The following LAPTM4B variants were observed in gnomAD, a reference collection of about 807,000 sequenced individuals.
LAPTM4B encodes the protein lysosomal-associated transmembrane protein 4B.
LAPTM4B carries 26 observed loss-of-function variants against 28.5 expected under a neutral mutation model. The ratio of observed to expected loss-of-function variants is 0.91; its 90% CI spans 0.67 to 1.27. The LOEUF (loss-of-function observed/expected upper bound fraction) is 1.27, where lower values mean the gene tolerates loss of function less well. Among genes scored for constraint, LAPTM4B ranks in the 50% most tolerant of loss-of-function variants. The pLI is 0.00. For missense variants in LAPTM4B, 288 were observed against 285.8 expected, an observed-to-expected ratio of 1.01 and a Z score of -0.06; for synonymous variants, 109 against 106.4, an observed-to-expected ratio of 1.02 and a Z score of -0.15.
At chr8:97,822,352 G>T (rs531048977) in intron 5 of LAPTM4B, among the ~76,000 whole-genome samples, 1 of 151,858 alleles carries the variant, frequency 6.6e-6, no homozygotes, top group African/African-American at 2.4e-5. Flanking sequence ...CTGCAGGAAG[G>T]TTAGTCTGAC....
At chr8:97,790,974 G>A (rs879372392) in intron 1 of LAPTM4B, among the ~76,000 whole-genome samples, 2 of 152,080 alleles carry the variant, frequency 1.3e-5, no homozygotes, top group South Asian at 2.1e-4. Context: ...GTGCAATCAC[G>A]CCTCATTGCA....
In LAPTM4B at chr8:97,851,985, C is replaced by A; in HGVS notation, c.*511C>A. On this transcript the variant is annotated 3_prime_UTR_variant, in exon 7 of 7. Coordinates refer to ENST00000521545, the MANE Select transcript of LAPTM4B (RefSeq NM_018407.6). ...GTTACAAGAATTTCCCCCACAACAT[C>A]CTTTATGACTGAAGTTCAATGACAG... The A allele has an allele frequency of 6.5e-6, 1 of 154,256 alleles. No homozygotes were observed. The highest frequency in any genetic ancestry group is 1.4e-5 in the Non-Finnish European group (1 of 69,476). 9.6% of individuals were successfully genotyped at this position (154,256 alleles called of 1,614,324 possible).
chr8:97,782,161 G>T (rs940332598), intron 1 of LAPTM4B, among the ~76,000 whole-genome samples: 1 of 150,004 alleles, frequency 6.7e-6, no homozygotes, highest in Admixed American at 6.7e-5. Flanking sequence ...TGTATTTTTA[G>T]TAGATAACAG....
chr8:97,821,660 C>T (rs1023882207), intron 5 of LAPTM4B, among the ~76,000 whole-genome samples: 2 of 152,084 alleles, frequency 1.3e-5, no homozygotes, highest in Admixed American at 1.3e-4. Context: ...TCTTCTAATT[C>T]GAGATGCAAT....
chr8:97,826,863 TTTTTTC>T (rs1157200240), intron 6 of LAPTM4B, among the ~76,000 whole-genome samples: 2 of 152,200 alleles, frequency 1.3e-5, no homozygotes, highest in Non-Finnish European at 1.5e-5. Context: ...CATCTATAAA[TTTTTTC>T]TTTTTCTTAA....
chr8:97,820,363 G>T (rs1408512254), intron 5 of LAPTM4B, among the ~76,000 whole-genome samples: 4 of 135,216 alleles, frequency 3.0e-5, no homozygotes, highest in African/African-American at 1.1e-4. Context: ...CTCCTGCCTT[G>T]GTTTCCCAAA....
At chr8:97,782,726 G>A (rs1816341114) in intron 1 of LAPTM4B, among the ~76,000 whole-genome samples, 1 of 148,040 alleles carries the variant, frequency 6.8e-6, no homozygotes, top group African/African-American at 2.5e-5. Flanking sequence ...GTGAGCCACC[G>A]TCCCCAGCCT....
intron 6 of LAPTM4B, among the ~76,000 whole-genome samples, chr8:97,846,476 C>T (rs559780713): frequency 2.0e-5 from 3 of 151,990 alleles, no homozygotes; most frequent in African/African-American, 4.8e-5. Flanking sequence ...TACAGGCATG[C>T]GCCACCACGC....
chr8:97,788,742 T>C (rs1434997412), intron 1 of LAPTM4B, among the ~76,000 whole-genome samples: 4 of 152,020 alleles, frequency 2.6e-5, no homozygotes, highest in Non-Finnish European at 5.9e-5. Context: ...TTGCCCAGGT[T>C]GGAGTGCAGT....
chr8:97,842,580 G>A (rs566112013), intron 6 of LAPTM4B, among the ~76,000 whole-genome samples: 148 of 152,192 alleles, frequency 9.7e-4, no homozygotes, highest in Admixed American at 1.7e-3. Context: ...GTGCACTGGC[G>A]CGATCTCAGC....
At chr8:97,780,263 TAAAAATATA>T (rs1393784170) in intron 1 of LAPTM4B, among the ~76,000 whole-genome samples, 1 of 151,686 alleles carries the variant, frequency 6.6e-6, no homozygotes, top group Non-Finnish European at 1.5e-5. Context: ...CTGTTTCTAT[TAAAAATATA>T]AAAAATTAGT....
At chr8:97,778,535 C>T (rs1235879306) in intron 1 of LAPTM4B, among the ~76,000 whole-genome samples, 3 of 152,066 alleles carry the variant, frequency 2.0e-5, no homozygotes, top group Non-Finnish European at 4.4e-5. Context: ...TGATAAGATA[C>T]TGTGGCAAGC....
rs1816199856 is a variant in LAPTM4B at position 97,775,943 on chromosome 8, G to T, written c.-67G>T. On this transcript the variant is annotated 5_prime_UTR_variant, in exon 1 of 7. Transcript: ENST00000521545. ...GGAGCCGGCAGCAGCGGCGCGGCGGGCTCCAGGCGAGGCGGTCGACGCTCC... is the reference window on the plus strand; with the variant it reads ...GGAGCCGGCAGCAGCGGCGCGGCGGTCTCCAGGCGAGGCGGTCGACGCTCC... 1 of 1,485,820 alleles carries T rather than the reference G, an allele frequency of 6.7e-7. No individual in the cohort carries two copies. The highest frequency in any genetic ancestry group is 8.9e-7 in the Non-Finnish European group (1 of 1,127,092). The allele number at this position is 1,485,820 out of a possible 1,614,324, so 92.0% of individuals were successfully genotyped here. A position where few individuals can be genotyped will look rare whatever the true frequency, so the allele number is the denominator to read the frequency against.
chr8:97,824,705 T>C (rs1817066444), intron 5 of LAPTM4B, among the ~76,000 whole-genome samples: 1 of 152,226 alleles, frequency 6.6e-6, no homozygotes, highest in Admixed American at 6.5e-5. Flanking sequence ...ATACATTCGA[T>C]TGTTCTGTGA....
Position 97,845,901 on chromosome 8 carries a change from CCCCTTCCCTT to C in LAPTM4B, c.604-5494_604-5485del, listed in dbSNP as rs1195143421. ...CCCCTCCCCTCCCCTCCCCTCCCCT[CCCCTTCCCTT>C]CGACAGGGTCTTGCTCTGTCACCCA... On this transcript the variant is annotated intron_variant, in intron 6 of 6. Coordinates refer to ENST00000521545, the MANE Select transcript of LAPTM4B (RefSeq NM_018407.6). 5.5e-3 allele frequency among the ~76,000 whole-genome samples: 568 copies of C among 102,888 alleles called. 57 individuals carry two copies. Among genetic ancestry groups the C allele is most frequent in the African/African-American group, 0.017 (459 of 27,646 alleles). The allele number at this position is 102,888 out of a possible 152,430, so 67.5% of individuals were successfully genotyped here. A position where few individuals can be genotyped will look rare whatever the true frequency, so the allele number is the denominator to read the frequency against.
intron 2 of LAPTM4B, among the ~76,000 whole-genome samples, chr8:97,814,339 C>T (rs567339311): frequency 3.3e-5 from 5 of 152,118 alleles, no homozygotes; most frequent in East Asian, 1.9e-4. Context: ...GTGAAACCCC[C>T]GTCTCTACTA....
In LAPTM4B at chr8:97,852,519, C is replaced by CAGCA. The variant is rs1817542328; in HGVS notation, c.*1047_*1050dup. ...TTTATATATTCATATGTTACAAAGT[C>CAGCA]AGCAACTCTCCTGTTGGTTCATTAT... On this transcript the variant is annotated 3_prime_UTR_variant, in exon 7 of 7. Coordinates refer to ENST00000521545, the MANE Select transcript of LAPTM4B (RefSeq NM_018407.6). 1 of 152,262 alleles carries CAGCA rather than the reference C, an allele frequency of 6.6e-6. No homozygotes were observed. The highest frequency in any genetic ancestry group is 2.4e-5 in the African/African-American group (1 of 41,514). The allele number at this position is 152,262 out of a possible 1,614,324, so 9.4% of individuals were successfully genotyped here.
intron 1 of LAPTM4B, among the ~76,000 whole-genome samples, chr8:97,789,116 C>G (rs1234714841): frequency 6.6e-6 from 1 of 151,506 alleles, no homozygotes; most frequent in East Asian, 1.9e-4. Flanking sequence ...TCTTGTTGCC[C>G]AGGCTGGAGT....
rs560158797 is a variant in LAPTM4B at position 97,782,725 on chromosome 8, C to T, written c.99+6617C>T. On this transcript the variant is annotated intron_variant, in intron 1 of 6. Transcript: ENST00000521545. ...TGCTGGGATTACGGGCGTGAGCCAC[C>T]GTCCCCAGCCTTTTTTTTTTTCTGA... Among the ~76,000 whole-genome samples the T allele has an allele frequency of 3.1e-4, 46 of 150,730 alleles. No individual in the cohort carries two copies. The East Asian group carries it at 7.9e-3, about 26-fold the overall frequency.
Sources: allele counts gnomAD v4.1 joint callset (sites outside exome capture counted in the v4.1 genomes callset), GRCh38; gene constraint gnomAD v4.1.1; transcripts MANE v1.5; gene names NCBI Gene and HGNC (gene_info 2026-07-23, HGNC 2026-07-21).